The following ALCAM variants were observed in gnomAD, a reference collection of about 807,000 sequenced individuals.
ALCAM encodes CD166 antigen.
Under a neutral mutation model 70.9 loss-of-function variants are expected in ALCAM, and 30 were observed. The observed-to-expected ratio is 0.42, with a 90% CI of 0.32 to 0.57. The LOEUF (loss-of-function observed/expected upper bound fraction) is 0.57. ALCAM is among the 20% of genes least tolerant of loss of function. The probability of loss-of-function intolerance (pLI) is 0.11; values close to 1 mark genes in which losing one functional copy is unlikely to be tolerated. For synonymous variants in ALCAM, 249 were observed against 242.5 expected (o/e 1.03, Z -0.25); for missense variants, 591 against 695.1 (o/e 0.85, Z 1.68).
At chr3:105,413,599 T>C (rs975432077) in intron 1 of ALCAM, among the ~76,000 whole-genome samples, 2 of 152,146 alleles carry the variant, frequency 1.3e-5, no homozygotes, top group Non-Finnish European at 2.9e-5. Context: ...TCAGTTGTAA[T>C]CTGTAAAATG....
intron 14 of ALCAM, among the ~76,000 whole-genome samples, chr3:105,564,238 A>G (rs550245790): frequency 2.6e-5 from 4 of 152,230 alleles, no homozygotes; most frequent in Non-Finnish European, 4.4e-5. Flanking sequence ...TAAATTATAC[A>G]AAATCACTTC....
At chr3:105,510,033 C>T (rs1463714479) in intron 1 of ALCAM, among the ~76,000 whole-genome samples, 1 of 151,872 alleles carries the variant, frequency 6.6e-6, no homozygotes, top group Non-Finnish European at 1.5e-5. Flanking sequence ...TTATGATCTG[C>T]CTAATTTCCT....
At chr3:105,433,160 T>C (rs552406165) in intron 1 of ALCAM, among the ~76,000 whole-genome samples, 31 of 152,274 alleles carry the variant, frequency 2.0e-4, no homozygotes, top group African/African-American at 7.5e-4. Flanking sequence ...GAACTGTTCT[T>C]AGTTTAATTT....
At chr3:105,375,713 GTTC>G (rs1346730922) in intron 1 of ALCAM, among the ~76,000 whole-genome samples, 2 of 152,118 alleles carry the variant, frequency 1.3e-5, no homozygotes, top group African/African-American at 4.8e-5. Flanking sequence ...CTCCCATTCT[GTTC>G]TTCTATGAGA....
chr3:105,405,277 C>CAAAAAAAAAAA lies in ALCAM; in HGVS notation c.73+37813_73+37823dup, dbSNP rs35101188. Among the ~76,000 whole-genome samples, 21 of 65,266 alleles carry CAAAAAAAAAAA rather than the reference C, an allele frequency of 3.2e-4. 1 individual carries two copies. Among genetic ancestry groups the CAAAAAAAAAAA allele is most frequent in the East Asian group, 7.1e-4 (1 of 1,402 alleles). The allele number at this position is 65,266 out of a possible 152,430, so 42.8% of individuals were successfully genotyped here. A position where few individuals can be genotyped will look rare whatever the true frequency, so the allele number is the denominator to read the frequency against. ...GGACAACAAGAGCAAAACTTCGTCT[C>CAAAAAAAAAAA]AAAAAAAAAAAAAAAAAAAAAAAAA... On this transcript the variant is annotated intron_variant, in intron 1 of 15. Coordinates refer to ENST00000306107, the MANE Select transcript of ALCAM (RefSeq NM_001627.4).
chr3:105,571,767 A>T, intron 14 of ALCAM, 85 bp from the exon 15 acceptor site: 1 of 1,040,918 alleles, frequency 9.6e-7, no homozygotes, highest in African/African-American at 1.6e-5. Flanking sequence ...CTTTTCAAAG[A>T]CACATTAATT....
chr3:105,529,463 C>T (rs560487141), intron 3 of ALCAM, among the ~76,000 whole-genome samples: 1 of 152,250 alleles, frequency 6.6e-6, no homozygotes, highest in African/African-American at 2.4e-5. Context: ...AACTAATACT[C>T]ATCAATTGTC....
At chr3:105,567,950 C>T (rs1442589821) in intron 14 of ALCAM, among the ~76,000 whole-genome samples, 2 of 151,966 alleles carry the variant, frequency 1.3e-5, no homozygotes, top group Non-Finnish European at 2.9e-5. Context: ...GCTAATTACT[C>T]TACTGTCACC....
rs139589278 is a variant in ALCAM, at chr3:105,458,971, A to C, written c.74-61096A>C. ...TCTATAAATACCTAACAACCTTGGAATAAAAGCCAAATTCTTTTCTCACTC... is the reference window on the plus strand; with the variant it reads ...TCTATAAATACCTAACAACCTTGGACTAAAAGCCAAATTCTTTTCTCACTC... On this transcript the variant is annotated intron_variant, in intron 1 of 15. Transcript: ENST00000306107. Among the ~76,000 whole-genome samples, 710 of 152,300 alleles carry C rather than the reference A, an allele frequency of 4.7e-3. 4 individuals are homozygous for C. The highest frequency in any genetic ancestry group is 0.016 in the African/African-American group (648 of 41,564).
intron 7 of ALCAM, among the ~76,000 whole-genome samples, chr3:105,540,371 T>G: frequency 6.6e-6 from 1 of 152,020 alleles, no homozygotes; most frequent in East Asian, 1.9e-4. Context: ...AAATAAACTT[T>G]AAGAATCTGC....
chr3:105,483,292 T>C (rs886211135), intron 1 of ALCAM, among the ~76,000 whole-genome samples: 39 of 152,244 alleles, frequency 2.6e-4, no homozygotes, highest in South Asian at 4.1e-4. Context: ...GTGCCTACTA[T>C]GTGTTAGGCA....
At chr3:105,568,270 A>G (rs540093740) in intron 14 of ALCAM, among the ~76,000 whole-genome samples, 18 of 151,774 alleles carry the variant, frequency 1.2e-4, no homozygotes, top group Non-Finnish European at 2.2e-4. Context: ...TAGACAAAAA[A>G]CTTTTAGTAG....
At chr3:105,403,297 A>G (rs537727938) in intron 1 of ALCAM, among the ~76,000 whole-genome samples, 1 of 152,194 alleles carries the variant, frequency 6.6e-6, no homozygotes, top group South Asian at 2.1e-4. Context: ...AACAAACACA[A>G]AATCAGTGCA....
chr3:105,399,020 A>T (rs1402128286), intron 1 of ALCAM, among the ~76,000 whole-genome samples: 1 of 152,066 alleles, frequency 6.6e-6, no homozygotes, highest in Non-Finnish European at 1.5e-5. Flanking sequence ...GTTTACTCAA[A>T]ATACATAGAA....
intron 14 of ALCAM, among the ~76,000 whole-genome samples, chr3:105,555,748 T>G (rs1283345370): frequency 2.0e-5 from 3 of 151,978 alleles, no homozygotes; most frequent in Non-Finnish European, 4.4e-5. Flanking sequence ...TTTATTATAA[T>G]TTTCAAAAAT....
chr3:105,395,092 C>A (rs1317668859), intron 1 of ALCAM, among the ~76,000 whole-genome samples: 3 of 151,914 alleles, frequency 2.0e-5, no homozygotes, highest in African/African-American at 7.2e-5. Flanking sequence ...CAAAGTTTAT[C>A]TTAAGTTAAT....
At position 105,391,838 on chromosome 3, in the gene ALCAM, G is replaced by GT. The variant is rs572087344; in HGVS notation, c.73+24364dup. On this transcript the variant is annotated intron_variant, in intron 1 of 15. Transcript: ENST00000306107. The stretch of plus-strand genomic sequence containing the variant: ...TGCATCTATTGAGATAATTATTGTG[G>GT]TTTTTTTCCTTTAGTTCTGTTTATG... 1.8e-4 allele frequency among the ~76,000 whole-genome samples: 28 copies of GT among 152,022 alleles called. No individual in the cohort carries two copies. In the South Asian group the frequency reaches 4.8e-3, roughly 26 times the overall value.
intron 1 of ALCAM, among the ~76,000 whole-genome samples, chr3:105,440,275 C>T (rs565446086): frequency 6.6e-6 from 1 of 152,280 alleles, no homozygotes; most frequent in East Asian, 1.9e-4. Flanking sequence ...AGGGAACTCT[C>T]CTCCTAGGAG....
intron 14 of ALCAM, among the ~76,000 whole-genome samples, chr3:105,563,508 T>TAG (rs1458876173): frequency 6.6e-6 from 1 of 151,764 alleles, no homozygotes; most frequent in East Asian, 1.9e-4. Context: ...CTTTCTTCTT[T>TAG]TATAAGACAA....
Sources: gnomAD v4.1 joint callset for allele counts (sites outside exome capture counted in the v4.1 genomes callset) on GRCh38, gnomAD v4.1.1 for gene constraint, MANE v1.5 for transcripts, NCBI Gene and HGNC (gene_info 2026-07-23, HGNC 2026-07-21) for gene names.